Variants in SND1 observed in about 807,000 individuals in gnomAD.
SND1 encodes the protein staphylococcal nuclease and tudor domain containing 1, also known as staphylococcal nuclease domain-containing protein 1.
In SND1, 38 loss-of-function variants were observed where a neutral mutation model predicts 121.7. That is an observed-to-expected ratio of 0.31 (90% CI 0.24 to 0.41). The LOEUF is 0.41. Ranked by LOEUF, SND1 falls within the 10% of genes least tolerant of loss-of-function variation. The pLI, the probability that SND1 is intolerant of heterozygous loss-of-function variation, is 1.00. For missense variants in SND1, 868 were observed against 1,184.6 expected (o/e 0.73, Z 3.92); for synonymous variants, 401 against 447.4 (o/e 0.90, Z 1.31).
At position 127,692,898 on chromosome 7, in the gene SND1, A is replaced by G. The variant is rs537459831; in HGVS notation, c.229-1930A>G. On this transcript the variant is annotated intron_variant, in intron 2 of 23. Transcript: ENST00000354725. ...TCAGCGAGCCTTAAAAGTTTTTTAGAAAAGTTCTGCCTGGTTGGTAGAAAT... is the reference window on the plus strand; with the variant it reads ...TCAGCGAGCCTTAAAAGTTTTTTAGGAAAGTTCTGCCTGGTTGGTAGAAAT... Among the ~76,000 whole-genome samples the G allele has an allele frequency of 3.3e-5, 5 of 152,320 alleles. No homozygotes were observed. The South Asian group carries it at 1.0e-3, about 32-fold the overall frequency.
chr7:127,719,240 T>G (rs1186868623), intron 9 of SND1, among the ~76,000 whole-genome samples: 1 of 152,212 alleles, frequency 6.6e-6, no homozygotes, highest in Non-Finnish European at 1.5e-5. Context: ...TTTGGTCAAT[T>G]GTCCAACCCA....
chr7:127,731,441 G>A (rs926828674), intron 10 of SND1, among the ~76,000 whole-genome samples: 1 of 152,162 alleles, frequency 6.6e-6, no homozygotes, highest in African/African-American at 2.4e-5. Flanking sequence ...AACGTAGCCG[G>A]CTCAACGTTT....
chr7:127,720,018 C>T (rs919966344), intron 9 of SND1, among the ~76,000 whole-genome samples: 3 of 152,150 alleles, frequency 2.0e-5, no homozygotes, highest in African/African-American at 7.2e-5. Flanking sequence ...TTTGTGTTTC[C>T]GGTGTGTGGC....
At chr7:127,797,737 G>A (rs982514371) in intron 10 of SND1, among the ~76,000 whole-genome samples, 1 of 151,224 alleles carries the variant, frequency 6.6e-6, no homozygotes, top group African/African-American at 2.5e-5. Context: ...TTTGTGAGGG[G>A]TGATACTGTT....
chr7:127,815,035 G>T (rs560368175), intron 11 of SND1, among the ~76,000 whole-genome samples: 4 of 152,060 alleles, frequency 2.6e-5, no homozygotes, highest in Non-Finnish European at 4.4e-5. Flanking sequence ...CCCAGAATTG[G>T]CTTTTTTTTA....
intron 16 of SND1, among the ~76,000 whole-genome samples, chr7:128,014,097 A>G (rs1803173207): frequency 1.3e-5 from 2 of 152,244 alleles, no homozygotes; most frequent in African/African-American, 4.8e-5. Flanking sequence ...CAGTCAGTCA[A>G]TTAACACCTG....
intron 13 of SND1, among the ~76,000 whole-genome samples, chr7:127,892,663 C>T (rs979902100): frequency 6.6e-6 from 1 of 152,130 alleles, no homozygotes; most frequent in Admixed American, 6.5e-5. Context: ...TACCTTATGT[C>T]CTAGCAAGAT....
At chr7:127,806,820 G>C (rs1246479148) in intron 10 of SND1, among the ~76,000 whole-genome samples, 4 of 152,120 alleles carry the variant, frequency 2.6e-5, no homozygotes, top group African/African-American at 9.7e-5. Flanking sequence ...TTAGCTGGGT[G>C]TGGTGACACA....
At chr7:127,696,990 A>G (rs568861284) in intron 3 of SND1, among the ~76,000 whole-genome samples, 1 of 152,376 alleles carries the variant, frequency 6.6e-6, no homozygotes, top group East Asian at 1.9e-4. Flanking sequence ...TGCCAATTCT[A>G]TTATAATGAA....
chr7:128,092,161 G>T lies in SND1; in HGVS notation c.*103G>T. ...AACCCCAGAGAGGGGTTGTAGATTGGGTCCAGCTTTGCTTCAGTGTGTGGA... is the reference window on the plus strand; with the variant it reads ...AACCCCAGAGAGGGGTTGTAGATTGTGTCCAGCTTTGCTTCAGTGTGTGGA... On this transcript the variant is annotated 3_prime_UTR_variant, in exon 24 of 24. Coordinates refer to ENST00000354725, the MANE Select transcript of SND1 (RefSeq NM_014390.4). This position sits in a 1 kb window ranked among gnomAD's most constrained non-coding sequence, Gnocchi z 4.9. 1 of 1,265,730 alleles carries T rather than the reference G, an allele frequency of 7.9e-7. No homozygotes were observed. Among genetic ancestry groups the T allele is most frequent in the South Asian group, 1.3e-5 (1 of 79,822 alleles). 78.4% of individuals were successfully genotyped at this position (1,265,730 alleles called of 1,614,324 possible).
At chr7:127,653,699 C>T (rs571899835) in intron 1 of SND1, among the ~76,000 whole-genome samples, 191 of 152,264 alleles carry the variant, frequency 1.3e-3, no homozygotes, top group Non-Finnish European at 2.2e-3. Flanking sequence ...TGTTCTGCAG[C>T]TTATGTGTGT....
chr7:127,659,033 A>T (rs1430319051), intron 1 of SND1, among the ~76,000 whole-genome samples: 2 of 152,252 alleles, frequency 1.3e-5, no homozygotes, highest in Non-Finnish European at 2.9e-5. Flanking sequence ...ATAGTTACAT[A>T]CTGTAGGAAA....
chr7:127,772,191 T>C (rs1797523857), intron 10 of SND1, among the ~76,000 whole-genome samples: 1 of 152,266 alleles, frequency 6.6e-6, no homozygotes. Context: ...ACAGTCACTA[T>C]GTCCTTGAAT....
At chr7:127,935,081 A>C (rs1801032482) in intron 15 of SND1, among the ~76,000 whole-genome samples, 1 of 152,200 alleles carries the variant, frequency 6.6e-6, no homozygotes, top group African/African-American at 2.4e-5. Context: ...CTGTTTATCA[A>C]CTAGTAAGTC....
Position 127,652,329 on chromosome 7 carries a change from C to G in SND1, c.-45C>G, listed in dbSNP as rs781565081. Reference sequence around the variant, plus strand: ...AACACCGACACCCACATTGACACCTCCAGTCCGGCCAGCCGCTCCACTCGT... The same window carrying G: ...AACACCGACACCCACATTGACACCTGCAGTCCGGCCAGCCGCTCCACTCGT... On this transcript the variant is annotated 5_prime_UTR_variant, in exon 1 of 24. Transcript: ENST00000354725. 6.6e-7 allele frequency: 1 copy of G among 1,520,346 alleles called. No homozygotes were observed. The highest frequency in any genetic ancestry group is 9.0e-7 in the Non-Finnish European group (1 of 1,115,020). 94.2% of individuals were successfully genotyped at this position (1,520,346 alleles called of 1,614,324 possible).
At chr7:128,063,622 T>C (rs1244032145) in intron 16 of SND1, among the ~76,000 whole-genome samples, 5 of 152,280 alleles carry the variant, frequency 3.3e-5, no homozygotes, top group Non-Finnish European at 7.3e-5. Context: ...CTCATCTATT[T>C]ATTGAATGCC....
intron 10 of SND1, among the ~76,000 whole-genome samples, chr7:127,756,149 G>A (rs777026428): frequency 1.3e-5 from 2 of 152,182 alleles, no homozygotes; most frequent in African/African-American, 2.4e-5. Context: ...AACCAATTAC[G>A]CTAGAGGAGC....
intron 11 of SND1, among the ~76,000 whole-genome samples, chr7:127,831,469 T>C (rs1584604669): frequency 6.6e-6 from 1 of 152,310 alleles, no homozygotes; most frequent in Non-Finnish European, 1.5e-5. Context: ...CAGGTGGTGG[T>C]GGCAGGATCA....
chr7:128,087,085 C>CT (rs753938558), intron 21 of SND1, 34 bp downstream of exon 21: 1 of 1,531,280 alleles, frequency 6.5e-7, no homozygotes, highest in East Asian at 2.2e-5. Flanking sequence ...CCAAAGGGGA[C>CT]TATCCACTGA....
Sources: gnomAD v4.1 joint callset for allele counts (sites outside exome capture counted in the v4.1 genomes callset) on GRCh38, gnomAD v4.1.1 for gene constraint, Gnocchi (gnomAD v3.1) non-coding constraint, MANE v1.5 for transcripts, NCBI Gene and HGNC (gene_info 2026-07-23, HGNC 2026-07-21) for gene names.